Variants in JMJD7 observed in about 807,000 individuals in gnomAD.
The protein encoded by JMJD7 is jumonji domain containing 7, also known as bifunctional peptidase and (3S)-lysyl hydroxylase JMJD7.
A neutral mutation model predicts 41.1 loss-of-function variants in JMJD7; 41 were observed. That is an observed-to-expected ratio of 1.00 (90% CI 0.78 to 1.30). JMJD7 has a LOEUF of 1.30. JMJD7 is among the 50% of genes most tolerant of loss of function. The pLI is 0.00. For missense variants in JMJD7, 480 were observed against 420.7 expected (o/e 1.14, Z -1.23); for synonymous variants, 202 against 177.2 (o/e 1.14, Z -1.11).
intron 1 of JMJD7, among the ~76,000 whole-genome samples, chr15:41,831,182 C>CGATGG (rs1481104628): frequency 6.6e-6 from 1 of 152,198 alleles, no homozygotes; most frequent in African/African-American, 2.4e-5. Flanking sequence ...CCAGAAGAGA[C>CGATGG]GATGGGACGA....
In JMJD7 at chr15:41,833,414, A is replaced by ATATAT. The variant is rs1239528383; in HGVS notation, c.65-1325_65-1324insATATT. On this transcript the variant is annotated intron_variant, in intron 1 of 7. Coordinates refer to ENST00000397299, the MANE Select transcript of JMJD7 (RefSeq NM_001114632.2). Reference sequence around the variant, plus strand: ...AATACATATATATATATATATATATATTTTTTTTTTTTTTTTTTTTTTTTG... The same window carrying ATATAT: ...AATACATATATATATATATATATATATATATTTTTTTTTTTTTTTTTTTTTTTTTG... Among the ~76,000 whole-genome samples, 56 of 32,016 alleles carry ATATAT rather than the reference A, an allele frequency of 1.7e-3. 2 individuals carry two copies. The highest frequency in any genetic ancestry group is 4.6e-3 in the African/African-American group (49 of 10,604). The allele number at this position is 32,016 out of a possible 152,430, so 21.0% of individuals were successfully genotyped here.
chr15:41,836,390 G>C (rs775191734), intron 5 of JMJD7, 85 bp from the exon 6 acceptor site: 11 of 1,556,794 alleles, frequency 7.1e-6, no homozygotes, highest in Non-Finnish European at 9.6e-6. Context: ...CCTTGCCCCT[G>C]CCCAGGGCTG....
In JMJD7 at chr15:41,828,172, C is replaced by T. The variant is rs1247917606; in HGVS notation, c.48C>T (p.Phe16=). ...CCGTGCGGAGCGAGTTACGAGAATT[C>T]CCGGCCGCTGCAAGGGGTGAGTGGC... ...LEAVRSELRE[F]PAAARELCVP... Residue 16 remains phenylalanine (F), a synonymous_variant, in exon 1 of 8, where the codon TTC becomes TTT. Transcript: ENST00000397299. 6.7e-7 allele frequency: 1 copy of T among 1,494,832 alleles called. No homozygotes were observed. Among genetic ancestry groups the T allele is most frequent in the Non-Finnish European group, 8.8e-7 (1 of 1,131,098 alleles). The allele number at this position is 1,494,832 out of a possible 1,614,324, so 92.6% of individuals were successfully genotyped here.
intron 1 of JMJD7, 86 bp downstream of exon 1, chr15:41,828,274 G>T (rs887428161): frequency 6.3e-6 from 9 of 1,418,450 alleles, no homozygotes; most frequent in Admixed American, 3.7e-5. Flanking sequence ...TCGGAACCTC[G>T]TGTGTGCGAC....
At chr15:41,832,322 G>A in intron 1 of JMJD7, 1 of 181,228 alleles carries the variant, frequency 5.5e-6, no homozygotes, top group Non-Finnish European at 1.1e-5. Flanking sequence ...AACAGGCAAA[G>A]GCATCACTGG....
Position 41,832,413 on chromosome 15 carries a change from A to T in JMJD7, c.65-2327A>T, listed in dbSNP as rs182594618. On this transcript the variant is annotated intron_variant, in intron 1 of 7. Coordinates refer to ENST00000397299, the MANE Select transcript of JMJD7 (RefSeq NM_001114632.2). ...GGCTGCGGTGAGCTATTATTGCGTC[A>T]CTGCACTTCAGCCTGGGCAACAGAG... 3.7e-5 allele frequency: 6 copies of T among 163,874 alleles called. No homozygotes were observed. The Admixed American group carries it at 3.8e-4, about 10-fold the overall frequency. 10.2% of individuals were successfully genotyped at this position (163,874 alleles called of 1,614,324 possible).
chr15:41,832,010 C>T (rs377131564), intron 1 of JMJD7, among the ~76,000 whole-genome samples: 7 of 152,200 alleles, frequency 4.6e-5, no homozygotes, highest in East Asian at 1.9e-4. Flanking sequence ...TAGGGCTCTG[C>T]GGTTCCTGGT....
rs772010631 is a variant in JMJD7 at position 41,835,113 on chromosome 15, A to G, written c.362A>G (p.Gln121Arg). The G allele has an allele frequency of 6.8e-6, 11 of 1,612,026 alleles. No individual in the cohort carries two copies. The highest frequency in any genetic ancestry group is 2.7e-5 in the African/African-American group (2 of 74,942). ...CTGGATGTGCTGGAGGGCCGGGCCC[A>G]GCACCCTGGAGTCCTCTATGTGCAG... ...FVLDVLEGRAQHPGVLYVQKQ... is the reference protein window; with the variant it reads ...FVLDVLEGRARHPGVLYVQKQ... The change falls in exon 3 of 8, where the codon CAG (glutamine) becomes CGG (arginine). Residue 121 changes from glutamine to arginine, a missense_variant. Transcript: ENST00000397299.
intron 3 of JMJD7, 68 bp from the exon 4 acceptor site, chr15:41,835,520 G>T: frequency 6.3e-7 from 1 of 1,575,580 alleles, no homozygotes; most frequent in South Asian, 1.2e-5. Flanking sequence ...TTTTGGCTCT[G>T]GCATCACTGG....
chr15:41,834,987 C>G lies in JMJD7; in HGVS notation c.236C>G (p.Thr79Arg). 1 of 1,614,134 alleles carries G rather than the reference C, an allele frequency of 6.2e-7. No individual in the cohort carries two copies. The change falls in exon 3 of 8, where the codon ACA becomes AGA. Residue 79 changes from threonine to arginine, a missense_variant. Thr to Arg is a moderately conservative substitution (Grantham distance 71, BLOSUM62 -1). Transcript: ENST00000397299. ...TCCTCTAGAGCCACAGTGGGCTCCA[C>G]AGAGGTGAGTGTGGCCGTGACCCCA... The part of the protein sequence containing the change: ...LPYFRATVGS[T>R]EVSVAVTPDG...
At position 41,837,205 on chromosome 15, in the gene JMJD7, C is replaced by A; in HGVS notation, c.*49C>A. The A allele has an allele frequency of 1.5e-6, 2 of 1,336,492 alleles. No individual in the cohort carries two copies. The highest frequency in any genetic ancestry group is 1.2e-5 in the South Asian group (1 of 81,260). The allele number at this position is 1,336,492 out of a possible 1,614,324, so 82.8% of individuals were successfully genotyped here. On this transcript the variant is annotated 3_prime_UTR_variant, in exon 8 of 8. Coordinates refer to ENST00000397299, the MANE Select transcript of JMJD7 (RefSeq NM_001114632.2). ...AGCACGCCTCGGGGGACGGAGCCAG[C>A]CCCTCCCTGGCCAGGTCAATTCTCG...
At chr15:41,834,706 G>C in intron 1 of JMJD7, 34 bp from the exon 2 acceptor site, 1 of 1,607,488 alleles carries the variant, frequency 6.2e-7, no homozygotes, top group Non-Finnish European at 8.5e-7. Flanking sequence ...GCAGACATCA[G>C]CCCTTCCATC....
In JMJD7 at chr15:41,834,881, T is replaced by C. The variant is rs1222838801; in HGVS notation, c.206T>C (p.Leu69Pro). 4.3e-6 allele frequency: 7 copies of C among 1,613,868 alleles called. No homozygotes were observed. In the African/African-American group the frequency reaches 6.7e-5, roughly 15 times the overall value. ...QHWPALQKWS[L>P]PYFRATVGST... is the part of the protein sequence containing the mutation. ...TGGCCGGCCCTCCAGAAGTGGTCCC[T>C]CCCCTATTTCAGGTGGGAGCTGCCC... Residue 69 changes from leucine to proline, a missense_variant, in exon 2 of 8, where the codon CTC becomes CCC. Physicochemically the swap from Leu to Pro is moderately conservative, Grantham distance 98 (BLOSUM62 -3). Coordinates refer to ENST00000397299, the MANE Select transcript of JMJD7 (RefSeq NM_001114632.2).
In JMJD7 at chr15:41,837,558, A is replaced by G. The variant is rs1368776979; in HGVS notation, c.*402A>G. ...CCAGCATGGAGCTGGCACACAGGAC[A>G]TGTTGAATAAAAGGTAGCTGTGAGT... On this transcript the variant is annotated 3_prime_UTR_variant, in exon 8 of 8. Transcript: ENST00000397299. 1.5e-5 allele frequency: 3 copies of G among 194,230 alleles called. No homozygotes were observed. Among genetic ancestry groups the G allele is most frequent in the Non-Finnish European group, 3.1e-5 (3 of 96,774 alleles). 12.0% of individuals were successfully genotyped at this position (194,230 alleles called of 1,614,324 possible). A position where few individuals can be genotyped will look rare whatever the true frequency, so the allele number is the denominator to read the frequency against.
chr15:41,834,746 G>A lies in JMJD7; in HGVS notation c.71G>A (p.Cys24Tyr). The A allele has an allele frequency of 6.2e-7, 1 of 1,614,032 alleles. No homozygotes were observed. Residue 24 changes from cysteine to tyrosine, a missense_variant, in exon 2 of 8, where the codon TGC (cysteine) becomes TAC (tyrosine). Coordinates refer to ENST00000397299, the MANE Select transcript of JMJD7 (RefSeq NM_001114632.2). ...GTCTTCTTCTTTCTCTCAGAGCTCT[G>A]CGTGCCTCTTGCTGTGCCCTACCTG... ...REFPAAAREL[C>Y]VPLAVPYLDK...
chr15:41,833,408 A>ATTTTTTT (rs1279721703), intron 1 of JMJD7, among the ~76,000 whole-genome samples: 1 of 39,864 alleles, frequency 2.5e-5, no homozygotes, highest in African/African-American at 7.3e-5. Flanking sequence ...ATATATATAT[A>ATTTTTTT]TATATATTTT....
intron 1 of JMJD7, 38 bp downstream of exon 1, chr15:41,828,226 C>G (rs2065166783): frequency 6.7e-7 from 1 of 1,491,342 alleles, no homozygotes. Flanking sequence ...GATTTCCGAA[C>G]ACGGGAGGGG....
chr15:41,828,505 G>C (rs1481622626), intron 1 of JMJD7: 1 of 284,612 alleles, frequency 3.5e-6, no homozygotes, highest in East Asian at 5.8e-5. Context: ...GCTGGTGGTC[G>C]GATTCCTCCC....
chr15:41,828,216 G>A, intron 1 of JMJD7, 28 bp downstream of exon 1: 1 of 1,496,154 alleles, frequency 6.7e-7, no homozygotes. Flanking sequence ...AGGCTGCGGC[G>A]ATTTCCGAAC....
Sources: allele counts gnomAD v4.1 joint callset (sites outside exome capture counted in the v4.1 genomes callset), GRCh38; gene constraint gnomAD v4.1.1; transcripts MANE v1.5; gene names NCBI Gene and HGNC (gene_info 2026-07-23, HGNC 2026-07-21).